DUSP9: variants seen among roughly 807,000 people sequenced by gnomAD.
The protein encoded by DUSP9 is dual specificity phosphatase 9.
Under a neutral mutation model 13.2 loss-of-function variants are expected in DUSP9, and 4 were observed. The observed-to-expected ratio is 0.30, with a 90% CI of 0.15 to 0.69. The LOEUF is 0.69. DUSP9 is among the 30% of genes least tolerant of loss of function. The pLI, the probability that DUSP9 is intolerant of heterozygous loss-of-function variation, is 0.73. For synonymous variants in DUSP9, 166 were observed against 172.3 expected (o/e 0.96, Z 0.29); for missense variants, 263 against 355.0 (o/e 0.74, Z 2.08).
rs1603188329 is a variant in DUSP9 at position 153,649,507 on chromosome X, C to T, written c.649C>T (p.Arg217Trp). The T allele has an allele frequency of 3.3e-6, 4 of 1,211,947 alleles. No individual in the cohort carries two copies. The South Asian group carries it at 5.3e-5, about 16-fold the overall frequency. Residue 217 changes from arginine (R) to tryptophan (W), a missense_variant, in exon 3 of 4, where the codon CGG (arginine) becomes TGG (tryptophan). Physicochemically the swap from Arg to Trp is moderately radical, Grantham distance 101. Coordinates refer to ENST00000342782, the MANE Select transcript of DUSP9 (RefSeq NM_001318503.2). The part of the protein sequence containing the change: ...ILPNLYLGSA[R>W]DSANLESLAK... ...GCCCAACCTCTATCTGGGCAGTGCC[C>T]GGGATTCCGCCAATTTGGAGAGCCT...
rs781784119 is a variant in DUSP9, at chrX:153,650,026, G to A, written c.876G>A (p.Ala292=). Residue 292 remains alanine (A), a synonymous_variant, in exon 4 of 4, where the codon GCG becomes GCA. Transcript: ENST00000342782. ...QNCGVLVHCL[A]GVSRSVTVTV... is the part of the protein sequence containing the mutation. ...GCGGGGTGCTCGTCCACTGCTTGGC[G>A]GGGGTCAGCCGTTCTGTCACCGTCA... is the stretch of plus-strand genomic sequence containing the variant. 11 of 1,211,004 alleles carry A rather than the reference G, an allele frequency of 9.1e-6. No homozygotes were observed. The highest frequency in any genetic ancestry group is 3.0e-5 in the East Asian group (1 of 33,776).
chrX:153,642,982 G>T (rs2091174605), upstream of DUSP9, among the ~76,000 whole-genome samples: 1 of 97,292 alleles, frequency 1.0e-5, no homozygotes, highest in South Asian at 4.8e-4. Context: ...AGGCGCACAC[G>T]CACGCTTCCA....
chrX:153,647,537 C>T (rs1407847848), intron 1 of DUSP9, 112 bp downstream of exon 1: 1 of 117,597 alleles, frequency 8.5e-6, no homozygotes, highest in African/African-American at 3.2e-5. Context: ...CCTCTGTTCC[C>T]CTGGCCCACC....
chrX:153,647,009 G>A (rs1467759118), upstream of DUSP9, among the ~76,000 whole-genome samples: 6 of 112,335 alleles, frequency 5.3e-5, no homozygotes, highest in African/African-American at 1.9e-4. Flanking sequence ...TCCCCTGCTG[G>A]GCCCCTGACC....
Position 153,648,184 on chromosome X carries a change from C to A in DUSP9, c.231C>A (p.Pro77=). The A allele has an allele frequency of 2.9e-6, 3 of 1,029,161 alleles. No individual in the cohort carries two copies. Among genetic ancestry groups the A allele is most frequent in the Non-Finnish European group, 3.7e-6 (3 of 815,001 alleles). The allele number at this position is 1,029,161 out of a possible 1,213,427, so 84.8% of individuals were successfully genotyped here. Residue 77 remains proline, a synonymous_variant, in exon 2 of 4, where the codon CCC becomes CCA. Coordinates refer to ENST00000342782, the MANE Select transcript of DUSP9 (RefSeq NM_001318503.2). The part of the protein sequence containing the change: ...GPPLQPPPPA[P]VLLYDQGGGR... The stretch of plus-strand genomic sequence containing the variant: ...CGCTGCAGCCGCCCCCGCCTGCCCC[C>A]GTGCTCCTGTACGACCAGGGCGGGG...
intron 2 of DUSP9, 53 bp from the exon 3 acceptor site, chrX:153,649,179 A>G: frequency 1.8e-6 from 2 of 1,139,711 alleles, no homozygotes; most frequent in South Asian, 3.6e-5. Context: ...AGACAGAGGC[A>G]CTTGGCTGCC....
chrX:153,647,662 AGG>A (rs1261862089), intron 1 of DUSP9: 2 of 210,629 alleles, frequency 9.5e-6, no homozygotes, highest in African/African-American at 5.9e-5. Flanking sequence ...AGGAGCAGAA[AGG>A]GGGTATGGAG....
In DUSP9 at chrX:153,651,188, G is replaced by C. The variant is rs1421913712; in HGVS notation, c.*883G>C. 8.9e-6 allele frequency: 1 copy of C among 112,965 alleles called. No homozygotes were observed. Among genetic ancestry groups the C allele is most frequent in the African/African-American group, 3.2e-5 (1 of 31,103 alleles). The allele number at this position is 112,965 out of a possible 1,213,427, so 9.3% of individuals were successfully genotyped here. On this transcript the variant is annotated 3_prime_UTR_variant, in exon 4 of 4. Coordinates refer to ENST00000342782, the MANE Select transcript of DUSP9 (RefSeq NM_001318503.2). ...CTAGCCCACTGATGCACCCAGCCCAGGGCTGGCAGTCTTTGCAGCGTGGGG... is the reference window on the plus strand; with the variant it reads ...CTAGCCCACTGATGCACCCAGCCCACGGCTGGCAGTCTTTGCAGCGTGGGG...
upstream of DUSP9, among the ~76,000 whole-genome samples, chrX:153,646,327 C>T (rs945571837): frequency 9.2e-6 from 1 of 108,222 alleles, no homozygotes; most frequent in African/African-American, 3.3e-5. Flanking sequence ...GGCATTCTGA[C>T]GTTGGGCAGG....
At position 153,647,280 on chromosome X, in the gene DUSP9, G is replaced by A. The variant is rs1242488015; in HGVS notation, c.-181G>A. On this transcript the variant is annotated 5_prime_UTR_variant, in exon 1 of 4. In the 5' UTR this introduces an upstream ATG that the reference lacks. Coordinates refer to ENST00000342782, the MANE Select transcript of DUSP9 (RefSeq NM_001318503.2). ...GGGCTGCGCGGGGCTCGGCTTCCACGTGCGAGCCTGCACCGCCGCCCCGCC... is the reference window on the plus strand; with the variant it reads ...GGGCTGCGCGGGGCTCGGCTTCCACATGCGAGCCTGCACCGCCGCCCCGCC... 8.9e-6 allele frequency: 1 copy of A among 112,702 alleles called. No homozygotes were observed. The highest frequency in any genetic ancestry group is 3.2e-5 in the African/African-American group (1 of 31,187). 9.3% of individuals were successfully genotyped at this position (112,702 alleles called of 1,213,427 possible). A position where few individuals can be genotyped will look rare whatever the true frequency, so the allele number is the denominator to read the frequency against.
chrX:153,648,681 C>T (rs2091199238), intron 2 of DUSP9, among the ~76,000 whole-genome samples: 1 of 112,327 alleles, frequency 8.9e-6, no homozygotes, highest in Non-Finnish European at 1.9e-5. Flanking sequence ...GGTGCAATCA[C>T]GGCTCACTGA....
At chrX:153,649,834 G>A (rs1464147549) in intron 3 of DUSP9, 146 bp from the exon 4 acceptor site, 11 of 868,851 alleles carry the variant, frequency 1.3e-5, no homozygotes, top group Non-Finnish European at 1.8e-5. Flanking sequence ...GAGCTAGGGC[G>A]GCCCCCAGAG....
upstream of DUSP9, among the ~76,000 whole-genome samples, chrX:153,645,400 G>A (rs782568723): frequency 8.8e-6 from 1 of 113,147 alleles, no homozygotes; most frequent in Non-Finnish European, 1.9e-5. Flanking sequence ...CTTGTTAGAC[G>A]CAGGGACATG....
In DUSP9 at chrX:153,650,508, T is replaced by A; in HGVS notation, c.*203T>A. On this transcript the variant is annotated 3_prime_UTR_variant, in exon 4 of 4. Coordinates refer to ENST00000342782, the MANE Select transcript of DUSP9 (RefSeq NM_001318503.2). ...TCGGAGCCTGCCTCTTCTGCGACTG[T>A]TACTTTTTCTTTGCGGGATGGGGGT... is the stretch of plus-strand genomic sequence containing the variant. The A allele has an allele frequency of 7.3e-6, 3 of 413,788 alleles. No homozygotes were observed. In the East Asian group the frequency reaches 1.2e-4, roughly 16 times the overall value. The allele number at this position is 413,788 out of a possible 1,213,427, so 34.1% of individuals were successfully genotyped here. A position where few individuals can be genotyped will look rare whatever the true frequency, so the allele number is the denominator to read the frequency against.
In DUSP9 at chrX:153,650,342, C is replaced by A. The variant is rs782371278; in HGVS notation, c.*37C>A. 8.8e-6 allele frequency: 9 copies of A among 1,019,382 alleles called. No homozygotes were observed. The highest frequency in any genetic ancestry group is 1.2e-5 in the Non-Finnish European group (9 of 759,580). 84.0% of individuals were successfully genotyped at this position (1,019,382 alleles called of 1,213,427 possible). A position where few individuals can be genotyped will look rare whatever the true frequency, so the allele number is the denominator to read the frequency against. Reference sequence around the variant, plus strand: ...CGGCAGGCCGGCCCCTGCCCCACCCCCACCCACGGGTGTCCCTGCCCACTC... The same window carrying A: ...CGGCAGGCCGGCCCCTGCCCCACCCACACCCACGGGTGTCCCTGCCCACTC... On this transcript the variant is annotated 3_prime_UTR_variant, in exon 4 of 4. Coordinates refer to ENST00000342782, the MANE Select transcript of DUSP9 (RefSeq NM_001318503.2).
chrX:153,647,774 G>A (rs781918117), intron 1 of DUSP9, 145 bp from the exon 2 acceptor site: 87 of 404,413 alleles, frequency 2.2e-4, no homozygotes, highest in Non-Finnish European at 3.1e-4. Context: ...CCGAGCTGCT[G>A]CCTGGGGGGT....
chrX:153,642,864 G>A (rs1454638474), upstream of DUSP9, among the ~76,000 whole-genome samples: 4 of 108,143 alleles, frequency 3.7e-5, no homozygotes, highest in African/African-American at 1.0e-4. Flanking sequence ...ACGCACCACA[G>A]ACCCGGGTGC....
chrX:153,645,306 T>A (rs2091184362), upstream of DUSP9, among the ~76,000 whole-genome samples: 1 of 113,135 alleles, frequency 8.8e-6, no homozygotes, highest in African/African-American at 3.2e-5. Flanking sequence ...GAGGGAGGCC[T>A]GGGCTGGGGC....
At chrX:153,648,426 C>G in intron 2 of DUSP9, 100 bp downstream of exon 2, 1 of 917,609 alleles carries the variant, frequency 1.1e-6, no homozygotes, top group Non-Finnish European at 1.4e-6. Flanking sequence ...GCCCCCCTCC[C>G]CTGATGACCT....
Sources: gnomAD v4.1 joint callset for allele counts (sites outside exome capture counted in the v4.1 genomes callset) on GRCh38, gnomAD v4.1.1 for gene constraint, MANE v1.5 for transcripts, NCBI Gene and HGNC (gene_info 2026-07-23, HGNC 2026-07-21) for gene names.